Variants in DLGAP1 observed in about 807,000 individuals in gnomAD.
DLGAP1 encodes the protein disks large-associated protein 1.
Under a neutral mutation model 90.8 loss-of-function variants are expected in DLGAP1, and 11 were observed. The ratio of observed to expected loss-of-function variants is 0.12; its 90% CI spans 0.08 to 0.20. The LOEUF (loss-of-function observed/expected upper bound fraction) is 0.20. Ranked by LOEUF, DLGAP1 falls within the 10% of genes least tolerant of loss-of-function variation. DLGAP1 has a pLI of 1.00. For missense variants in DLGAP1, 1,050 were observed against 1,333.8 expected, an observed-to-expected ratio of 0.79 and a Z score of 3.31; for synonymous variants, 558 against 540.7, an observed-to-expected ratio of 1.03 and a Z score of -0.44.
At chr18:3,768,688 G>C (rs1229423096) in intron 5 of DLGAP1, among the ~76,000 whole-genome samples, 1 of 152,102 alleles carries the variant, frequency 6.6e-6, no homozygotes, top group Non-Finnish European at 1.5e-5. Flanking sequence ...ATTCAAAAGA[G>C]GAAAGATGGC....
At chr18:3,773,381 GACTA>G (rs373980968) in intron 5 of DLGAP1, among the ~76,000 whole-genome samples, 16 of 152,244 alleles carry the variant, frequency 1.1e-4, no homozygotes, top group East Asian at 1.9e-4. Flanking sequence ...TATACCAGGT[GACTA>G]ACTATTGTTG....
chr18:4,072,235 G>C (rs1430183017), intron 2 of DLGAP1, among the ~76,000 whole-genome samples: 1 of 151,580 alleles, frequency 6.6e-6, no homozygotes. Flanking sequence ...ATAATTTAGG[G>C]GCACAAAAAA....
At chr18:4,134,235 C>T (rs1306311307) in intron 2 of DLGAP1, among the ~76,000 whole-genome samples, 1 of 152,036 alleles carries the variant, frequency 6.6e-6, no homozygotes, top group African/African-American at 2.4e-5. Flanking sequence ...TTTGCATCCT[C>T]CCCAGCTAAT....
intron 1 of DLGAP1, among the ~76,000 whole-genome samples, chr18:4,203,439 T>C (rs1166182336): frequency 6.6e-6 from 1 of 152,218 alleles, no homozygotes; most frequent in Non-Finnish European, 1.5e-5. Context: ...TCGAGTTCCA[T>C]TTTTCAAATC....
At chr18:4,255,517 A>C (rs1485233973) in intron 1 of DLGAP1, among the ~76,000 whole-genome samples, 2 of 150,220 alleles carry the variant, frequency 1.3e-5, no homozygotes, top group African/African-American at 4.9e-5. Flanking sequence ...AAAAATATAT[A>C]TATATACAAT....
At chr18:3,953,553 A>G (rs8096401) in intron 3 of DLGAP1, among the ~76,000 whole-genome samples, 104 of 134,004 alleles carry the variant, frequency 7.8e-4, no homozygotes, top group Non-Finnish European at 1.5e-3. Flanking sequence ...CATCATATAT[A>G]TGTACACTAC....
intron 2 of DLGAP1, among the ~76,000 whole-genome samples, chr18:4,060,568 T>C (rs2075284784): frequency 6.6e-6 from 1 of 152,150 alleles, no homozygotes; most frequent in Admixed American, 6.5e-5. Context: ...CTGAGCAATA[T>C]CTTGAGGAAG....
intron 7 of DLGAP1, among the ~76,000 whole-genome samples, chr18:3,663,940 A>G (rs551772163): frequency 6.6e-6 from 1 of 152,304 alleles, no homozygotes; most frequent in South Asian, 2.1e-4. Context: ...GGTCTTGTCC[A>G]ATGAGTTGAA....
chr18:3,914,223 A>G (rs890215870), intron 3 of DLGAP1, among the ~76,000 whole-genome samples: 1 of 152,102 alleles, frequency 6.6e-6, no homozygotes, highest in Non-Finnish European at 1.5e-5. Flanking sequence ...CCTTTCCCCC[A>G]GGCTCTGGTA....
At position 4,274,027 on chromosome 18, in the gene DLGAP1, A is replaced by T. The variant is rs112003114; in HGVS notation, c.-266-122740T>A. Among the ~76,000 whole-genome samples, 7 of 148,622 alleles carry T rather than the reference A, an allele frequency of 4.7e-5. 1 individual carries two copies. The highest frequency in any genetic ancestry group is 2.0e-4 in the Admixed American group (3 of 14,942). On this transcript the variant is annotated intron_variant, in intron 1 of 12. Coordinates refer to ENST00000315677, the MANE Select transcript of DLGAP1 (RefSeq NM_004746.4). ...TTTAAATTTCACTAATTTCTGCTCA[A>T]ATCTTTATTATTTGTTTTCTTCTCT... is the stretch of plus-strand genomic sequence containing the variant.
chr18:4,120,757 T>G (rs971235839), intron 2 of DLGAP1, among the ~76,000 whole-genome samples: 3 of 146,828 alleles, frequency 2.0e-5, no homozygotes, highest in Admixed American at 6.8e-5. Flanking sequence ...CGTCCTGCCA[T>G]CCTCCTCCCT....
intron 1 of DLGAP1, among the ~76,000 whole-genome samples, chr18:4,261,601 C>T (rs75716045): frequency 0.039 from 5,940 of 152,190 alleles, 388 homozygotes; most frequent in African/African-American, 0.14. Flanking sequence ...CCATCCAATG[C>T]CCCTCCTCTG....
At position 4,204,293 on chromosome 18, in the gene DLGAP1, G is replaced by A. The variant is rs75591030; in HGVS notation, c.-266-53006C>T. On this transcript the variant is annotated intron_variant, in intron 1 of 12. Transcript: ENST00000315677. ...CCTCAAAAACACAGCAGATTGCTTC[G>A]CTTTCCATAAAATCAGGACAAGAAG... 2.1e-3 allele frequency among the ~76,000 whole-genome samples: 321 copies of A among 152,204 alleles called. 2 individuals are homozygous for A. Among genetic ancestry groups the A allele is most frequent in the African/African-American group, 7.0e-3 (289 of 41,532 alleles).
chr18:3,798,140 T>C (rs564669189), intron 5 of DLGAP1, among the ~76,000 whole-genome samples: 211 of 152,330 alleles, frequency 1.4e-3, no homozygotes, highest in African/African-American at 4.6e-3. Flanking sequence ...TCCCCAGTCA[T>C]TGAATTCCTG....
intron 3 of DLGAP1, among the ~76,000 whole-genome samples, chr18:3,911,733 A>T (rs1307247322): frequency 6.6e-6 from 1 of 152,260 alleles, no homozygotes; most frequent in Non-Finnish European, 1.5e-5. Flanking sequence ...GAAATGAACA[A>T]GACTTGATTC....
chr18:3,830,959 G>A (rs774784176), intron 4 of DLGAP1, among the ~76,000 whole-genome samples: 2 of 152,320 alleles, frequency 1.3e-5, no homozygotes, highest in Non-Finnish European at 2.9e-5. Flanking sequence ...TTATTCAACT[G>A]AGAAATAAAG....
intron 5 of DLGAP1, among the ~76,000 whole-genome samples, chr18:3,808,145 CT>C (rs1351402268): frequency 5.3e-5 from 8 of 152,132 alleles, no homozygotes; most frequent in Non-Finnish European, 1.2e-4. Context: ...AAGCTGATTT[CT>C]AACAAATATT....
intron 7 of DLGAP1, among the ~76,000 whole-genome samples, chr18:3,685,540 G>A (rs1361162819): frequency 7.2e-6 from 1 of 138,120 alleles, no homozygotes; most frequent in Non-Finnish European, 1.5e-5. Flanking sequence ...CTCCAGCCTG[G>A]GCGACAGAGC....
chr18:3,658,398 A>C (rs1164225190), intron 7 of DLGAP1, among the ~76,000 whole-genome samples: 1 of 152,216 alleles, frequency 6.6e-6, no homozygotes, highest in African/African-American at 2.4e-5. Flanking sequence ...CACTGCCATA[A>C]CTGATGCTTC....
Sources: allele counts gnomAD v4.1 joint callset (sites outside exome capture counted in the v4.1 genomes callset), GRCh38; gene constraint gnomAD v4.1.1; transcripts MANE v1.5; gene names NCBI Gene and HGNC (gene_info 2026-07-23, HGNC 2026-07-21).